The following KMT2C variants were observed in gnomAD, a reference collection of about 807,000 sequenced individuals.
The protein encoded by KMT2C is histone-lysine N-methyltransferase 2C.
Under a neutral mutation model 507.9 loss-of-function variants are expected in KMT2C, and 88 were observed. The ratio of observed to expected loss-of-function variants is 0.17; its 90% confidence interval spans 0.15 to 0.21. The LOEUF is 0.21. Ranked by LOEUF, KMT2C falls within the 10% of genes least tolerant of loss-of-function variation. The pLI is 1.00. For synonymous variants in KMT2C, 2,049 were observed against 2,080.8 expected (o/e 0.98, Z 0.42); for missense variants, 4,954 against 5,957.8 (o/e 0.83, Z 5.55).
At position 152,432,901 on chromosome 7, in the gene KMT2C, C is replaced by T. The variant is rs544756993; in HGVS notation, c.161+2725G>A. Reference sequence around the variant, plus strand: ...GTGGCTCACGCCTGTAATCCTGGCACTTTGGGAGGCTGAGGAGAGTGGATT... The same window carrying T: ...GTGGCTCACGCCTGTAATCCTGGCATTTTGGGAGGCTGAGGAGAGTGGATT... On this transcript the variant is annotated intron_variant, in intron 1 of 58. Transcript: ENST00000262189. 1.2e-4 allele frequency among the ~76,000 whole-genome samples: 18 copies of T among 152,130 alleles called. No individual in the cohort carries two copies. In the East Asian group the frequency reaches 3.5e-3, roughly 29 times the overall value.
At chr7:152,232,883 A>AT (rs1370089083) in intron 16 of KMT2C, among the ~76,000 whole-genome samples, 3 of 152,166 alleles carry the variant, frequency 2.0e-5, no homozygotes, top group African/African-American at 4.8e-5. Flanking sequence ...TAAAATAGAG[A>AT]TAAAGTATCT....
chr7:152,396,436 G>A (rs538763590), intron 1 of KMT2C, among the ~76,000 whole-genome samples: 1 of 152,244 alleles, frequency 6.6e-6, no homozygotes, highest in African/African-American at 2.4e-5. Context: ...AAAGCACTTA[G>A]GATAGTGCTT....
chr7:152,358,050 G>GA (rs1424741833), intron 2 of KMT2C, among the ~76,000 whole-genome samples: 1 of 152,124 alleles, frequency 6.6e-6, no homozygotes, highest in Non-Finnish European at 1.5e-5. Flanking sequence ...CCACTGACCT[G>GA]AAAATTTTGG....
intron 16 of KMT2C, among the ~76,000 whole-genome samples, chr7:152,234,017 C>G (rs931694805): frequency 6.6e-5 from 10 of 151,748 alleles, no homozygotes; most frequent in Admixed American, 6.6e-5. Flanking sequence ...CGCCAGTAAT[C>G]CCAGCTACTC....
chr7:152,204,591 CTAGATAGA>C (rs57456614), intron 25 of KMT2C, among the ~76,000 whole-genome samples: 35,447 of 143,252 alleles, frequency 0.25, 4,381 homozygotes, highest in Middle Eastern at 0.33. Flanking sequence ...AGTGAGACCC[CTAGATAGA>C]TAGATAGATA....
At position 152,230,968 on chromosome 7, in the gene KMT2C, C is replaced by T. The variant is rs558635352; in HGVS notation, c.2770-647G>A. Among the ~76,000 whole-genome samples, 31 of 152,170 alleles carry T rather than the reference C, an allele frequency of 2.0e-4. No homozygotes were observed. In the South Asian group the frequency reaches 5.4e-3, roughly 27 times the overall value. On this transcript the variant is annotated intron_variant, in intron 16 of 58. Transcript: ENST00000262189. ...GGTAGCTGGGATTACAGTTGTCCACCGCCATGCCCAGCTAATTTCTGTATT... is the reference window on the plus strand; with the variant it reads ...GGTAGCTGGGATTACAGTTGTCCACTGCCATGCCCAGCTAATTTCTGTATT...
chr7:152,260,974 T>C (rs2095759544), intron 9 of KMT2C, among the ~76,000 whole-genome samples: 1 of 152,268 alleles, frequency 6.6e-6, no homozygotes, highest in East Asian at 1.9e-4. Context: ...TTCTGAATTA[T>C]AAATCATTGC....
At chr7:152,263,261 A>G (rs1224647707) in intron 8 of KMT2C, 131 bp from the exon 9 acceptor site, 9 of 684,720 alleles carry the variant, frequency 1.3e-5, no homozygotes, top group Non-Finnish European at 2.2e-5. Context: ...TTGTCTCTGC[A>G]GATAGTAACA....
At chr7:152,332,121 C>CT (rs1353945614) in intron 2 of KMT2C, among the ~76,000 whole-genome samples, 1 of 152,150 alleles carries the variant, frequency 6.6e-6, no homozygotes, top group Non-Finnish European at 1.5e-5. Flanking sequence ...CAAACCTTCA[C>CT]TTTATTGCCT....
intron 6 of KMT2C, among the ~76,000 whole-genome samples, chr7:152,275,799 A>G (rs1164136529): frequency 1.3e-5 from 2 of 152,256 alleles, no homozygotes; most frequent in African/African-American, 2.4e-5. Flanking sequence ...AAAAATGTTT[A>G]TAACAACTCA....
At chr7:152,296,296 T>C (rs2096495123) in intron 6 of KMT2C, among the ~76,000 whole-genome samples, 1 of 151,134 alleles carries the variant, frequency 6.6e-6, no homozygotes, top group African/African-American at 2.4e-5. Flanking sequence ...TAACCGGGCG[T>C]GGTGGTGGGT....
chr7:152,175,251 T>C (rs1459588199), intron 38 of KMT2C, among the ~76,000 whole-genome samples: 1 of 151,862 alleles, frequency 6.6e-6, no homozygotes, highest in Non-Finnish European at 1.5e-5. Context: ...GTTCACACCA[T>C]TCTCCTGCCT....
intron 6 of KMT2C, among the ~76,000 whole-genome samples, chr7:152,280,515 C>T (rs1015197571): frequency 1.3e-5 from 2 of 152,172 alleles, no homozygotes; most frequent in East Asian, 1.9e-4. Flanking sequence ...TGCACCACTG[C>T]ACTCCAGCCT....
intron 1 of KMT2C, among the ~76,000 whole-genome samples, chr7:152,375,013 T>G (rs932580446): frequency 8.5e-5 from 13 of 152,114 alleles, no homozygotes; most frequent in African/African-American, 3.1e-4. Flanking sequence ...CTTACAGACA[T>G]ACCTCATTTT....
At chr7:152,194,371 G>T in intron 29 of KMT2C, 69 bp downstream of exon 29, 2 of 1,496,888 alleles carry the variant, frequency 1.3e-6, no homozygotes, top group Non-Finnish European at 1.8e-6. Context: ...TTATAACCAT[G>T]CAAAAATCTT....
At chr7:152,313,763 A>G (rs970147865) in intron 4 of KMT2C, among the ~76,000 whole-genome samples, 1 of 152,082 alleles carries the variant, frequency 6.6e-6, no homozygotes, top group African/African-American at 2.4e-5. Flanking sequence ...CCATATTATC[A>G]TTACTTATTA....
intron 9 of KMT2C, among the ~76,000 whole-genome samples, chr7:152,253,700 A>G (rs1008281867): frequency 2.0e-5 from 3 of 151,976 alleles, no homozygotes; most frequent in Admixed American, 6.6e-5. Flanking sequence ...GGGTGGGGAA[A>G]CACAGAGCAC....
At chr7:152,400,480 A>G (rs1037384264) in intron 1 of KMT2C, among the ~76,000 whole-genome samples, 2 of 152,210 alleles carry the variant, frequency 1.3e-5, no homozygotes, top group African/African-American at 2.4e-5. Context: ...GGATGAAAAT[A>G]TGAAACACAT....
intron 6 of KMT2C, among the ~76,000 whole-genome samples, chr7:152,284,587 C>T (rs1444841342): frequency 6.6e-6 from 1 of 151,984 alleles, no homozygotes; most frequent in Non-Finnish European, 1.5e-5. Flanking sequence ...AAAATTAAAC[C>T]CTCTGCTGTT....
Sources: allele counts gnomAD v4.1 joint callset (sites outside exome capture counted in the v4.1 genomes callset), GRCh38; gene constraint gnomAD v4.1.1; transcripts MANE v1.5; gene names NCBI Gene and HGNC (gene_info 2026-07-23, HGNC 2026-07-21).